The following BRD1 variants were observed in gnomAD, a reference collection of about 807,000 sequenced individuals.
BRD1 encodes the protein bromodomain containing 1.
A neutral mutation model predicts 107.7 loss-of-function variants in BRD1; 24 were observed. The observed-to-expected ratio is 0.22, with a 90% CI of 0.16 to 0.31. The LOEUF (loss-of-function observed/expected upper bound fraction) is 0.31, where lower values mean the gene tolerates loss of function less well. BRD1 is among the 10% of genes least tolerant of loss of function. The pLI is 1.00. For synonymous variants in BRD1, 744 were observed against 686.1 expected (o/e 1.08, Z -1.32); for missense variants, 1,279 against 1,638.6 (o/e 0.78, Z 3.79).
intron 6 of BRD1, 90 bp from the exon 7 acceptor site, chr22:49,794,384 C>T: frequency 6.6e-7 from 1 of 1,513,202 alleles, no homozygotes; most frequent in Non-Finnish European, 8.9e-7. Flanking sequence ...TCACCTTCGG[C>T]CAAGGCCCTG....
intron 2 of BRD1, 59 bp downstream of exon 2, chr22:49,822,892 G>C: frequency 6.4e-7 from 1 of 1,572,122 alleles, no homozygotes; most frequent in Non-Finnish European, 8.6e-7. Context: ...CTGTGCCCAC[G>C]TCCTCCCAGG....
chr22:49,820,636 C>T (rs1217361279), intron 2 of BRD1, among the ~76,000 whole-genome samples: 1 of 152,216 alleles, frequency 6.6e-6, no homozygotes, highest in Non-Finnish European at 1.5e-5. Flanking sequence ...AGAAGCTTCA[C>T]CCTCATCTAC....
At chr22:49,790,149 T>C (rs1397972835) in intron 7 of BRD1, among the ~76,000 whole-genome samples, 1 of 152,218 alleles carries the variant, frequency 6.6e-6, no homozygotes, top group Non-Finnish European at 1.5e-5. Flanking sequence ...CTCAGCCACC[T>C]GCCCAGCCGG....
intron 2 of BRD1, 24 bp downstream of exon 2, chr22:49,822,927 G>A (rs780262016): frequency 1.2e-6 from 2 of 1,609,322 alleles, no homozygotes; most frequent in South Asian, 2.2e-5. Context: ...GCTCCTTGTG[G>A]ACTCAATGCT....
At chr22:49,799,662 C>T (rs181835013) in intron 3 of BRD1, among the ~76,000 whole-genome samples, 1 of 152,352 alleles carries the variant, frequency 6.6e-6, no homozygotes, top group East Asian at 1.9e-4. Context: ...ACACGTTTCC[C>T]CACAGCCAGG....
At chr22:49,822,807 AACCACAC>A in intron 2 of BRD1, 137 bp downstream of exon 2, 1 of 935,096 alleles carries the variant, frequency 1.1e-6, no homozygotes, top group Non-Finnish European at 1.6e-6. Flanking sequence ...AAACAAGCAG[AACCACAC>A]TTCAGGGGAA....
chr22:49,798,349 G>A (rs1045380587), intron 5 of BRD1, among the ~76,000 whole-genome samples: 16 of 152,216 alleles, frequency 1.1e-4, no homozygotes, highest in Non-Finnish European at 2.1e-4. Context: ...CCAGGGTACT[G>A]TCTGCACAGG....
rs1264430745 is a variant in BRD1, at chr22:49,777,662, G to A, written c.2993+16C>T. 1.2e-6 allele frequency: 2 copies of A among 1,600,582 alleles called. No homozygotes were observed. The highest frequency in any genetic ancestry group is 3.4e-5 in the Admixed American group (2 of 58,798). ...TGGGAGCTGCGTGGTGGGAAGCGCA[G>A]GGCCGCGGTGCCCACCTCGAGTCGC... On this transcript the variant is annotated intron_variant, in intron 9 of 12. Transcript: ENST00000404760.
intron 6 of BRD1, among the ~76,000 whole-genome samples, chr22:49,797,355 G>A (rs2059554013): frequency 6.6e-6 from 1 of 152,198 alleles, no homozygotes. Flanking sequence ...TCAGAAGTTA[G>A]CCGAGGCCCA....
At chr22:49,798,740 C>A in intron 4 of BRD1, 54 bp from the exon 5 acceptor site, 1 of 1,497,808 alleles carries the variant, frequency 6.7e-7, no homozygotes, top group South Asian at 1.3e-5. Context: ...GCGTCTCAGC[C>A]CCACCACGCG....
Position 49,774,008 on chromosome 22 carries a change from G to A in BRD1, c.*225C>T, listed in dbSNP as rs2059033306. On this transcript the variant is annotated 3_prime_UTR_variant, in exon 13 of 13. Transcript: ENST00000404760. ...AGTGACGCCAGCAGCACGGCCTGGG[G>A]ACGTGCGACAGACGCACTGGGCTGC... The A allele has an allele frequency of 2.1e-6, 1 of 473,016 alleles. No homozygotes were observed. The highest frequency in any genetic ancestry group is 4.0e-5 in the Admixed American group (1 of 25,234). The allele number at this position is 473,016 out of a possible 1,614,324, so 29.3% of individuals were successfully genotyped here. A position where few individuals can be genotyped will look rare whatever the true frequency, so the allele number is the denominator to read the frequency against.
At chr22:49,820,143 G>A (rs182027944) in intron 2 of BRD1, among the ~76,000 whole-genome samples, 28 of 151,654 alleles carry the variant, frequency 1.8e-4, no homozygotes, top group African/African-American at 5.3e-4. Flanking sequence ...AAAAAGGGGG[G>A]AAAAAAAAGA....
At chr22:49,775,835 C>CCCCCCCCCCTGTT in intron 11 of BRD1, 90 bp from the exon 12 acceptor site, 1 of 1,344,864 alleles carries the variant, frequency 7.4e-7, no homozygotes, top group Non-Finnish European at 9.8e-7. Context: ...GCCTCCCCAC[C>CCCCCCCCCCTGTT]CCAGCTGTGT....
chr22:49,812,742 T>C lies in BRD1; in HGVS notation c.1368-8382A>G, dbSNP rs551783176. 5.9e-5 allele frequency among the ~76,000 whole-genome samples: 9 copies of C among 152,282 alleles called. No individual in the cohort carries two copies. In the South Asian group the frequency reaches 1.9e-3, roughly 32 times the overall value. ...GGTGAAGCAGGAACTTTAAAGCTAC[T>C]GCCCACTGTACACAGACGAACCAAG... On this transcript the variant is annotated intron_variant, in intron 2 of 12. Transcript: ENST00000404760.
intron 12 of BRD1, among the ~76,000 whole-genome samples, 175 bp from the exon 13 acceptor site, chr22:49,774,591 C>T (rs1201768317): frequency 6.6e-6 from 1 of 152,140 alleles, no homozygotes; most frequent in Non-Finnish European, 1.5e-5. Flanking sequence ...TGCACCCCTC[C>T]CTTCCCCTCC....
chr22:49,780,924 C>G (rs2059194687), intron 8 of BRD1, among the ~76,000 whole-genome samples: 1 of 152,234 alleles, frequency 6.6e-6, no homozygotes, highest in South Asian at 2.1e-4. Context: ...CATTTGCAAA[C>G]AGCAGGCACT....
chr22:49,781,124 C>A (rs945483227), intron 8 of BRD1, among the ~76,000 whole-genome samples: 4 of 152,310 alleles, frequency 2.6e-5, no homozygotes, highest in East Asian at 1.9e-4. Context: ...ATTCCCACAG[C>A]GGCCAGGGTC....
In BRD1 at chr22:49,797,707, C is replaced by G. The variant is rs944386960; in HGVS notation, c.2098+98G>C. 5 of 1,317,616 alleles carry G rather than the reference C, an allele frequency of 3.8e-6. No homozygotes were observed. In the East Asian group the frequency reaches 1.2e-4, roughly 32 times the overall value. 81.6% of individuals were successfully genotyped at this position (1,317,616 alleles called of 1,614,324 possible). On this transcript the variant is annotated intron_variant, in intron 6 of 12. Transcript: ENST00000404760. The stretch of plus-strand genomic sequence containing the variant: ...TGTATGCGGTTGCATGCTAGTGGCT[C>G]CCGGACCATGCTGATAGGGAGCTGG...
At chr22:49,791,485 G>A (rs2059433305) in intron 7 of BRD1, among the ~76,000 whole-genome samples, 1 of 152,218 alleles carries the variant, frequency 6.6e-6, no homozygotes, top group Non-Finnish European at 1.5e-5. Context: ...CTCTTTTCAG[G>A]TGTGAAAATA....
Sources: allele counts gnomAD v4.1 joint callset (sites outside exome capture counted in the v4.1 genomes callset), GRCh38; gene constraint gnomAD v4.1.1; transcripts MANE v1.5; gene names NCBI Gene and HGNC (gene_info 2026-07-23, HGNC 2026-07-21).